FHOD3: variants seen among roughly 807,000 people sequenced by gnomAD.
FHOD3 encodes formin homology 2 domain containing 3, also known as FH1/FH2 domain-containing protein 3.
FHOD3 carries 90 observed loss-of-function variants against 173.0 expected under a neutral mutation model. That is an observed-to-expected ratio of 0.52 (90% CI 0.44 to 0.62). FHOD3 has a LOEUF of 0.62. FHOD3 is among the 20% of genes least tolerant of loss of function. The pLI is 0.00. For missense variants in FHOD3, 1,945 were observed against 2,034.7 expected (o/e 0.96, Z 0.85); for synonymous variants, 828 against 823.0 (o/e 1.01, Z -0.10).
intron 11 of FHOD3, among the ~76,000 whole-genome samples, chr18:36,652,144 TAGC>T (rs2036100352): frequency 1.3e-5 from 2 of 152,252 alleles, no homozygotes; most frequent in African/African-American, 4.8e-5. Context: ...TTGGGCTTTT[TAGC>T]AGGAGGACAG....
At chr18:36,322,640 C>G (rs1280370103) in intron 1 of FHOD3, among the ~76,000 whole-genome samples, 1 of 152,132 alleles carries the variant, frequency 6.6e-6, no homozygotes, top group African/African-American at 2.4e-5. Context: ...TCACCTGCAC[C>G]TGGAACCTTG....
chr18:36,318,902 T>A (rs1054973729), intron 1 of FHOD3, among the ~76,000 whole-genome samples: 2 of 152,234 alleles, frequency 1.3e-5, no homozygotes, highest in African/African-American at 4.8e-5. Flanking sequence ...ATTCCATTAA[T>A]ACCTAGTTTA....
At chr18:36,668,047 T>C (rs918681896) in intron 14 of FHOD3, among the ~76,000 whole-genome samples, 1 of 152,154 alleles carries the variant, frequency 6.6e-6, no homozygotes, top group Admixed American at 6.5e-5. Context: ...GGAAACATAC[T>C]CCTTCCTCTT....
intron 6 of FHOD3, among the ~76,000 whole-genome samples, chr18:36,578,790 G>A (rs143874827): frequency 7.9e-4 from 121 of 152,252 alleles, no homozygotes; most frequent in African/African-American, 2.8e-3. Flanking sequence ...TTTCTCTGTG[G>A]CTGGCACTGG....
chr18:36,414,589 C>G (rs1482004177), intron 3 of FHOD3, among the ~76,000 whole-genome samples: 1 of 152,330 alleles, frequency 6.6e-6, no homozygotes, highest in South Asian at 2.1e-4. Flanking sequence ...CTCATCCCAT[C>G]ATTCATTGGT....
chr18:36,374,683 A>G (rs1426772280), intron 3 of FHOD3, among the ~76,000 whole-genome samples: 1 of 152,250 alleles, frequency 6.6e-6, no homozygotes, highest in East Asian at 1.9e-4. Context: ...ACTGGAAATC[A>G]GACCTTGTTA....
chr18:36,441,186 G>A (rs1320854706), intron 3 of FHOD3, among the ~76,000 whole-genome samples: 1 of 151,972 alleles, frequency 6.6e-6, no homozygotes, highest in African/African-American at 2.4e-5. Context: ...AAATGGGTGA[G>A]GTGAGCAGGT....
chr18:36,526,093 G>A (rs1599514417), intron 5 of FHOD3, among the ~76,000 whole-genome samples: 1 of 152,210 alleles, frequency 6.6e-6, no homozygotes, highest in South Asian at 2.1e-4. Context: ...TGCATCTCCT[G>A]TTTACTCATT....
At chr18:36,613,621 A>C (rs79940184) in intron 9 of FHOD3, among the ~76,000 whole-genome samples, 24,742 of 152,038 alleles carry the variant, frequency 0.16, 2,196 homozygotes, top group African/African-American at 0.22. Flanking sequence ...TTCTGTGTGT[A>C]TGTCATTGCA....
intron 1 of FHOD3, among the ~76,000 whole-genome samples, chr18:36,303,955 T>G (rs1349375011): frequency 6.6e-6 from 1 of 152,178 alleles, no homozygotes; most frequent in Non-Finnish European, 1.5e-5. Flanking sequence ...ACAGTGAATG[T>G]TAAGCTTTGC....
chr18:36,599,540 T>C (rs2031041209), intron 7 of FHOD3, among the ~76,000 whole-genome samples: 1 of 152,228 alleles, frequency 6.6e-6, no homozygotes, highest in Admixed American at 6.5e-5. Flanking sequence ...AGTGTGTTTA[T>C]GTAGTATGTG....
chr18:36,505,825 G>A (rs149770098), intron 4 of FHOD3, among the ~76,000 whole-genome samples: 142 of 152,266 alleles, frequency 9.3e-4, no homozygotes, highest in African/African-American at 3.2e-3. Context: ...AGCTCCTATG[G>A]GAAATACGGG....
rs1435111803 is a variant in FHOD3 at position 36,752,833 on chromosome 18, A to C, written c.4233-2286A>C. 3.9e-5 allele frequency among the ~76,000 whole-genome samples: 6 copies of C among 152,232 alleles called. No individual in the cohort carries two copies. In the East Asian group the frequency reaches 7.7e-4, roughly 20 times the overall value. On this transcript the variant is annotated intron_variant, in intron 24 of 28. Transcript: ENST00000590592. ...ATAGGACCCAGAATGTTAATCTATTAGAATGAGGTGAAGTGGTTAGCTAGC... is the reference window on the plus strand; with the variant it reads ...ATAGGACCCAGAATGTTAATCTATTCGAATGAGGTGAAGTGGTTAGCTAGC...
intron 18 of FHOD3, 149 bp from the exon 19 acceptor site, chr18:36,717,683 A>G (rs2040533037): frequency 1.5e-6 from 2 of 1,306,508 alleles, no homozygotes; most frequent in Non-Finnish European, 2.0e-6. Flanking sequence ...CTTGCCCAAG[A>G]GCGCCTTGTC....
intron 3 of FHOD3, among the ~76,000 whole-genome samples, chr18:36,452,210 C>G (rs530977077): frequency 6.6e-6 from 1 of 152,194 alleles, no homozygotes; most frequent in South Asian, 2.1e-4. Flanking sequence ...TTAAAAGCAT[C>G]TCGGGAGCCT....
Position 36,502,403 on chromosome 18 carries a change from C to T in FHOD3, c.405+404C>T, listed in dbSNP as rs184830726. 3.7e-3 allele frequency among the ~76,000 whole-genome samples: 563 copies of T among 152,286 alleles called. 2 individuals are homozygous for T. Among genetic ancestry groups the T allele is most frequent in the African/African-American group, 0.013 (529 of 41,550 alleles). ...CCTAATGCTATCCCTTCCCTAGCCC[C>T]CTACCCACTGACAGGCCCTGGTGTG... On this transcript the variant is annotated intron_variant, in intron 4 of 28. Transcript: ENST00000590592.
chr18:36,649,828 G>A (rs1246279417), intron 11 of FHOD3, among the ~76,000 whole-genome samples: 12 of 152,098 alleles, frequency 7.9e-5, no homozygotes, highest in African/African-American at 2.7e-4. Flanking sequence ...TAAAATGTGT[G>A]GATAACTACT....
chr18:36,357,825 C>G (rs994912508), intron 2 of FHOD3, among the ~76,000 whole-genome samples: 3 of 152,114 alleles, frequency 2.0e-5, no homozygotes, highest in Admixed American at 6.5e-5. Flanking sequence ...AAAAATGTCT[C>G]TAGTGGTGTT....
intron 22 of FHOD3, among the ~76,000 whole-genome samples, chr18:36,743,482 C>T (rs1235135439): frequency 6.6e-6 from 1 of 151,996 alleles, no homozygotes; most frequent in Non-Finnish European, 1.5e-5. Context: ...CTGAGCTTAT[C>T]ACTCAAATAC....
Sources: allele counts gnomAD v4.1 joint callset (sites outside exome capture counted in the v4.1 genomes callset), GRCh38; gene constraint gnomAD v4.1.1; transcripts MANE v1.5; gene names NCBI Gene and HGNC (gene_info 2026-07-23, HGNC 2026-07-21).